The following ERCC3 variants were observed in gnomAD, a reference collection of about 807,000 sequenced individuals.
ERCC3 encodes ERCC excision repair 3, TFIIH core complex helicase subunit, also known as general transcription and DNA repair factor IIH helicase/translocase subunit XPB.
ERCC3 carries 66 observed loss-of-function variants against 94.2 expected under a neutral mutation model. The ratio of observed to expected loss-of-function variants is 0.70; its 90% CI spans 0.57 to 0.86. ERCC3 has a LOEUF of 0.86. Among genes scored for constraint, ERCC3 ranks in the 40% least tolerant of loss-of-function variants. The pLI, the probability that ERCC3 is intolerant of heterozygous loss-of-function variation, is 0.00. For synonymous variants in ERCC3, 349 were observed against 369.1 expected (o/e 0.95, Z 0.63); for missense variants, 829 against 987.1 (o/e 0.84, Z 2.15).
Position 127,261,217 on chromosome 2 carries a change from T to C in ERCC3, c.2064+11A>G. 6.5e-7 allele frequency: 1 copy of C among 1,542,318 alleles called. No homozygotes were observed. The highest frequency in any genetic ancestry group is 1.4e-5 in the African/African-American group (1 of 73,534). ...GGTCCTAGTCTAACCAGAAGCCAAA[T>C]GGATATGTACCTTGAAGCTATAACC... On this transcript the variant is annotated intron_variant, in intron 13 of 14. Transcript: ENST00000285398.
chr2:127,273,477 C>T (rs979649385), intron 10 of ERCC3, among the ~76,000 whole-genome samples: 29 of 151,764 alleles, frequency 1.9e-4, no homozygotes, highest in East Asian at 9.8e-4. Context: ...CTGCCAGGCG[C>T]GGTGGTTCAC....
Position 127,289,382 on chromosome 2 carries a change from T to A in ERCC3, c.777A>T (p.Glu259Asp), listed in dbSNP as rs772883177. 1.2e-6 allele frequency: 2 copies of A among 1,613,146 alleles called. No individual in the cohort carries two copies. The highest frequency in any genetic ancestry group is 1.1e-5 in the South Asian group (1 of 91,036). The change falls in exon 6 of 15, where the codon GAA becomes GAT. Residue 259 changes from glutamate to aspartate, a missense_variant. Physicochemically the swap from Glu to Asp is conservative, Grantham distance 45. Coordinates refer to ENST00000285398, the MANE Select transcript of ERCC3 (RefSeq NM_000122.2). ...CTGTCTGTGTCTCTTCTTCTTCTTC[T>A]TCATCCTTGTCCATTTGCTCATAGA... ...FDFYEQMDKD[E>D]EEEEETQTVS... is the part of the protein sequence containing the mutation.
chr2:127,261,414 G>T (rs1400010485), intron 12 of ERCC3, 68 bp from the exon 13 acceptor site: 1 of 1,005,576 alleles, frequency 9.9e-7, no homozygotes, highest in Non-Finnish European at 1.6e-6. Flanking sequence ...AAGAGCTAAG[G>T]GTCCCAGGCT....
chr2:127,286,385 C>T (rs1190790763), intron 8 of ERCC3, among the ~76,000 whole-genome samples: 5 of 151,818 alleles, frequency 3.3e-5, no homozygotes, highest in Admixed American at 6.6e-5. Flanking sequence ...CCTGTCTCTA[C>T]AAAAATACAA....
rs1458609678 is a variant in ERCC3 at position 127,289,661 on chromosome 2, C to T, written c.657+28G>A. ...CTGAAATCCTAAATGCCTGCCCCCA[C>T]CCAAGGGTGGCCCAGGAGTCCACAT... On this transcript the variant is annotated intron_variant, in intron 5 of 14. Transcript: ENST00000285398. 1.9e-6 allele frequency: 3 copies of T among 1,613,878 alleles called. No homozygotes were observed. In the South Asian group the frequency reaches 3.3e-5, roughly 18 times the overall value.
At chr2:127,275,379 C>T (rs999966329) in intron 10 of ERCC3, among the ~76,000 whole-genome samples, 1 of 152,084 alleles carries the variant, frequency 6.6e-6, no homozygotes, top group African/African-American at 2.4e-5. Flanking sequence ...AACACTACTT[C>T]ATACATTTAA....
chr2:127,268,727 C>CA (rs1684457767), intron 12 of ERCC3, among the ~76,000 whole-genome samples: 2 of 152,274 alleles, frequency 1.3e-5, no homozygotes, highest in Admixed American at 1.3e-4. Context: ...GAAAGTCTGA[C>CA]GGCTATGTGC....
intron 7 of ERCC3, 119 bp downstream of exon 7, chr2:127,288,540 AC>A: frequency 1.1e-6 from 1 of 893,090 alleles, no homozygotes; most frequent in Non-Finnish European, 1.9e-6. Context: ...TCAGGGAGTC[AC>A]CTGATCTTGG....
rs1685167787 is a variant in ERCC3, at chr2:127,288,823, C to T, written c.864G>A (p.Glu288=). ...AGTCATATTCTGCCAACAGAGGGTA[C>T]TCCAGGTGGATGCAACGTTTCTGGA... is the stretch of plus-strand genomic sequence containing the variant. The part of the protein sequence containing the change: ...EELQKRCIHL[E]YPLLAEYDFR... The change falls in exon 7 of 15, where the codon GAG becomes GAA. Residue 288 remains glutamate (E), a synonymous_variant. Coordinates refer to ENST00000285398, the MANE Select transcript of ERCC3 (RefSeq NM_000122.2). 4.3e-6 allele frequency: 7 copies of T among 1,614,112 alleles called. No individual in the cohort carries two copies. Among genetic ancestry groups the T allele is most frequent in the Non-Finnish European group, 5.1e-6 (6 of 1,180,008 alleles).
intron 10 of ERCC3, among the ~76,000 whole-genome samples, chr2:127,276,404 G>T (rs1454907699): frequency 6.6e-6 from 1 of 152,004 alleles, no homozygotes; most frequent in Non-Finnish European, 1.5e-5. Context: ...CAAAAGACAG[G>T]TAAAAACAAT....
At position 127,277,958 on chromosome 2, in the gene ERCC3, G is replaced by A. The variant is rs1684783275; in HGVS notation, c.1730+1215C>T. 6.6e-6 allele frequency among the ~76,000 whole-genome samples: 1 copy of A among 152,180 alleles called. No homozygotes were observed. The highest frequency in any genetic ancestry group is 1.5e-5 in the Non-Finnish European group (1 of 68,030). ...CTATTGCTTAGAAAGATGAAGGCTG[G>A]CCAGGTGTGGTGGCTCATGACTCTA... On this transcript the variant is annotated intron_variant, in intron 10 of 14. Coordinates refer to ENST00000285398, the MANE Select transcript of ERCC3 (RefSeq NM_000122.2). This position sits in a 1 kb window ranked among gnomAD's most constrained non-coding sequence, Gnocchi z 5.1.
chr2:127,275,617 C>T (rs1207111719), intron 10 of ERCC3, among the ~76,000 whole-genome samples: 1 of 152,000 alleles, frequency 6.6e-6, no homozygotes, highest in African/African-American at 2.4e-5. Context: ...GAGTGAGGCT[C>T]CAGAAGACTG....
chr2:127,267,487 A>G (rs1311241288), intron 12 of ERCC3, among the ~76,000 whole-genome samples: 2 of 149,182 alleles, frequency 1.3e-5, no homozygotes, highest in Non-Finnish European at 3.0e-5. Flanking sequence ...CTTTGAACCT[A>G]TGAGTCCTGT....
chr2:127,290,449 C>G, intron 3 of ERCC3, 176 bp from the exon 4 acceptor site: 1 of 671,048 alleles, frequency 1.5e-6, no homozygotes, highest in Non-Finnish European at 2.8e-6. Flanking sequence ...CCATTGGCCT[C>G]TGCTTTCTGA....
At chr2:127,263,702 GTTCTT>G (rs1265944219) in intron 12 of ERCC3, among the ~76,000 whole-genome samples, 5 of 148,504 alleles carry the variant, frequency 3.4e-5, no homozygotes, top group South Asian at 2.1e-4. Flanking sequence ...TCTTGTTCCA[GTTCTT>G]TTTTTTTTTT....
chr2:127,292,547 G>A, intron 3 of ERCC3, 63 bp downstream of exon 3: 1 of 1,050,440 alleles, frequency 9.5e-7, no homozygotes, highest in Non-Finnish European at 1.5e-6. Context: ...ACAACATGGA[G>A]CACCTATGCC....
At chr2:127,285,732 T>A (rs1467438443) in intron 8 of ERCC3, among the ~76,000 whole-genome samples, 1 of 151,812 alleles carries the variant, frequency 6.6e-6, no homozygotes, top group East Asian at 1.9e-4. Flanking sequence ...ACACCTGTAG[T>A]CCCAGCTACT....
chr2:127,259,477 C>T lies in ERCC3; in HGVS notation c.2065-29G>A. The T allele has an allele frequency of 1.2e-6, 2 of 1,613,650 alleles. No individual in the cohort carries two copies. The highest frequency in any genetic ancestry group is 2.2e-5 in the East Asian group (1 of 44,872). ...CAAAGCCCAAGCCAGCAGACATGCC[C>T]CTTTCTGCTCTCTCTCCCCAGCCCT... On this transcript the variant is annotated intron_variant, in intron 13 of 14. Transcript: ENST00000285398. The surrounding 1 kb of genome is among the most constrained non-coding windows in gnomAD (Gnocchi z 4.9).
chr2:127,268,245 C>T (rs996755725), intron 12 of ERCC3, among the ~76,000 whole-genome samples: 11 of 151,674 alleles, frequency 7.3e-5, no homozygotes, highest in Non-Finnish European at 1.0e-4. Context: ...TGAGCCACCG[C>T]GCCTGGCCTG....
Sources: gnomAD v4.1 joint callset for allele counts (sites outside exome capture counted in the v4.1 genomes callset) on GRCh38, gnomAD v4.1.1 for gene constraint, Gnocchi (gnomAD v3.1) non-coding constraint, MANE v1.5 for transcripts, NCBI Gene and HGNC (gene_info 2026-07-23, HGNC 2026-07-21) for gene names.